CCNT2: variants seen among roughly 807,000 people sequenced by gnomAD.
CCNT2 encodes the protein cyclin-T2.
CCNT2 carries 18 observed loss-of-function variants against 70.0 expected under a neutral mutation model. The observed-to-expected ratio is 0.26, with a 90% CI of 0.18 to 0.38. CCNT2 has a LOEUF of 0.38. Ranked by LOEUF, CCNT2 falls within the 10% of genes least tolerant of loss-of-function variation. The pLI, the probability that CCNT2 is intolerant of heterozygous loss-of-function variation, is 1.00. For missense variants in CCNT2, 734 were observed against 890.2 expected, an observed-to-expected ratio of 0.82 and a Z score of 2.23; for synonymous variants, 334 against 313.3, an observed-to-expected ratio of 1.07 and a Z score of -0.70.
At chr2:134,946,227 T>C in intron 6 of CCNT2, 81 bp downstream of exon 6, 1 of 1,487,616 alleles carries the variant, frequency 6.7e-7, no homozygotes, top group Non-Finnish European at 9.3e-7. Context: ...AATGTGTCTC[T>C]TACCCTTGTT....
At chr2:134,944,126 G>A (rs1262459950) in intron 5 of CCNT2, 3 of 983,572 alleles carry the variant, frequency 3.1e-6, no homozygotes, top group African/African-American at 3.5e-5. Flanking sequence ...ATTTAACTGT[G>A]GTTCCTGTTC....
Position 134,954,869 on chromosome 2 carries a change from G to A in CCNT2, c.*221G>A, listed in dbSNP as rs1179264402. 3 of 457,706 alleles carry A rather than the reference G, an allele frequency of 6.6e-6. No individual in the cohort carries two copies. The highest frequency in any genetic ancestry group is 5.7e-4 in the Middle Eastern group (1 of 1,768). The allele number at this position is 457,706 out of a possible 1,614,324, so 28.4% of individuals were successfully genotyped here. On this transcript the variant is annotated 3_prime_UTR_variant, in exon 9 of 9. Transcript: ENST00000264157. ...TATAAATACTGTAAAAGCATGGAAG[G>A]TGCAAAACTCAGTATTTCTACAATT... is the stretch of plus-strand genomic sequence containing the variant.
At chr2:134,927,797 T>G (rs1162468258) in intron 2 of CCNT2, among the ~76,000 whole-genome samples, 2 of 152,166 alleles carry the variant, frequency 1.3e-5, no homozygotes, top group Non-Finnish European at 2.9e-5. Context: ...TTCTAGGGAT[T>G]AGGGGAAATG....
chr2:134,939,123 G>C, intron 4 of CCNT2, 61 bp downstream of exon 4: 1 of 1,102,084 alleles, frequency 9.1e-7, no homozygotes, highest in African/African-American at 1.6e-5. Flanking sequence ...TTCTAAATAA[G>C]TGAAAAGATT....
chr2:134,950,182 A>T (rs1214548581), intron 7 of CCNT2, among the ~76,000 whole-genome samples: 1 of 152,206 alleles, frequency 6.6e-6, no homozygotes, highest in African/African-American at 2.4e-5. Flanking sequence ...TCCTGTCTTT[A>T]GGTCAGAGGT....
Position 134,953,936 on chromosome 2 carries a change from A to G in CCNT2, c.1481A>G (p.Tyr494Cys), listed in dbSNP as rs201365431. Reference protein sequence around the residue: ...MKIPIANTEKYMADKKEKSGS... With the variant: ...MKIPIANTEKCMADKKEKSGS... ...ATACCTATCGCAAATACTGAAAAATACATGGCAGACAAAAAGGAAAAGAGT... is the reference window on the plus strand; with the variant it reads ...ATACCTATCGCAAATACTGAAAAATGCATGGCAGACAAAAAGGAAAAGAGT... The change falls in exon 9 of 9, where the codon TAC becomes TGC. Residue 494 changes from tyrosine to cysteine, a missense_variant. Physicochemically the swap from Tyr to Cys is radical, Grantham distance 194. Around this residue, in one of 3 missense-constraint regions of CCNT2, gnomAD observed 532 missense variants for 556.9 expected, o/e 0.96. Coordinates refer to ENST00000264157, the MANE Select transcript of CCNT2 (RefSeq NM_058241.3). 1.3e-4 allele frequency: 216 copies of G among 1,614,010 alleles called. No individual in the cohort carries two copies. The highest frequency in any genetic ancestry group is 1.6e-4 in the Non-Finnish European group (192 of 1,179,978).
At chr2:134,945,339 CTA>C (rs1260420773) in intron 5 of CCNT2, 2 of 985,252 alleles carry the variant, frequency 2.0e-6, no homozygotes, top group Non-Finnish European at 2.4e-6. Flanking sequence ...AAAAGGGAAA[CTA>C]TAACAAGAGC....
chr2:134,929,997 A>T (rs1307835981), intron 2 of CCNT2, among the ~76,000 whole-genome samples: 1 of 151,966 alleles, frequency 6.6e-6, no homozygotes, highest in African/African-American at 2.4e-5. Flanking sequence ...AAAGAGAGAG[A>T]GAGAGATACA....
intron 5 of CCNT2, chr2:134,945,470 A>G (rs1040502024): frequency 5.1e-6 from 5 of 985,450 alleles, no homozygotes; most frequent in Non-Finnish European, 4.8e-6. Context: ...GATCCTCCCT[A>G]GAATACCTGT....
rs112471982 is a variant in CCNT2 at position 134,931,262 on chromosome 2, CTTTT to C, written c.241-5557_241-5554del. On this transcript the variant is annotated intron_variant, in intron 2 of 8. Coordinates refer to ENST00000264157, the MANE Select transcript of CCNT2 (RefSeq NM_058241.3). ...CAGGCATAAGCCACCATGCCCGGAT[CTTTT>C]TTTTTTTTTTTTTTTTTTTTTGGTA... 7.8e-4 allele frequency among the ~76,000 whole-genome samples: 33 copies of C among 42,426 alleles called. No homozygotes were observed. In the South Asian group the frequency reaches 0.01, roughly 13 times the overall value. The allele number at this position is 42,426 out of a possible 152,430, so 27.8% of individuals were successfully genotyped here.
At chr2:134,923,180 C>T (rs923020575) in intron 2 of CCNT2, among the ~76,000 whole-genome samples, 7 of 152,076 alleles carry the variant, frequency 4.6e-5, no homozygotes, top group Non-Finnish European at 1.0e-4. Context: ...ACTGGGGAGG[C>T]TGAGGCAGGA....
In CCNT2 at chr2:134,958,861, T is replaced by C. The variant is rs1362664254; in HGVS notation, c.*4213T>C. The C allele has an allele frequency of 2.0e-5, 3 of 152,216 alleles. No individual in the cohort carries two copies. The highest frequency in any genetic ancestry group is 2.0e-4 in the Admixed American group (3 of 15,286). 9.4% of individuals were successfully genotyped at this position (152,216 alleles called of 1,614,324 possible). A position where few individuals can be genotyped will look rare whatever the true frequency, so the allele number is the denominator to read the frequency against. On this transcript the variant is annotated 3_prime_UTR_variant, in exon 9 of 9. Coordinates refer to ENST00000264157, the MANE Select transcript of CCNT2 (RefSeq NM_058241.3). The stretch of plus-strand genomic sequence containing the variant: ...TTACCTATTCTGCCTGACAGATTGA[T>C]TAAGTAGGTTGATAAGATCCATCGA...
chr2:134,944,898 TC>T, intron 5 of CCNT2: 9 of 985,314 alleles, frequency 9.1e-6, no homozygotes, highest in Non-Finnish European at 9.6e-6. Context: ...TATTATTTTT[TC>T]CTTCTCTACG....
chr2:134,940,304 A>G (rs1681476962), intron 4 of CCNT2, among the ~76,000 whole-genome samples: 1 of 152,226 alleles, frequency 6.6e-6, no homozygotes, highest in South Asian at 2.1e-4. Flanking sequence ...AAAATTGGGA[A>G]TTTGCAACAA....
intron 2 of CCNT2, chr2:134,920,392 G>A (rs1416966854): frequency 6.6e-6 from 1 of 152,302 alleles, no homozygotes; most frequent in Non-Finnish European, 1.5e-5. Context: ...CAACGTTTCT[G>A]TTTATCACGT....
At chr2:134,940,928 G>T (rs544907095) in intron 4 of CCNT2, among the ~76,000 whole-genome samples, 1 of 152,200 alleles carries the variant, frequency 6.6e-6, no homozygotes, top group African/African-American at 2.4e-5. Context: ...AATGAATCCA[G>T]TGTAAGGTTC....
At position 134,954,265 on chromosome 2, in the gene CCNT2, G is replaced by A; in HGVS notation, c.1810G>A (p.Gly604Ser). 1 of 1,614,150 alleles carries A rather than the reference G, an allele frequency of 6.2e-7. No homozygotes were observed. Among genetic ancestry groups the A allele is most frequent in the South Asian group, 1.1e-5 (1 of 91,076 alleles). ...ACCCACTGTTCTGAGGAGTCCTGTT[G>A]GCCTGAGCAGTGATGGCATTTCCTC... is the stretch of plus-strand genomic sequence containing the variant. Reference protein sequence around the residue: ...IPPTVLRSPVGLSSDGISSSS... With the variant: ...IPPTVLRSPVSLSSDGISSSS... The change falls in exon 9 of 9, where the codon GGC becomes AGC. Residue 604 changes from glycine (G) to serine (S), a missense_variant. Around this residue, in one of 3 missense-constraint regions of CCNT2, gnomAD observed 532 missense variants for 556.9 expected, o/e 0.96. Coordinates refer to ENST00000264157, the MANE Select transcript of CCNT2 (RefSeq NM_058241.3).
chr2:134,946,080 G>A (rs1573846014), intron 5 of CCNT2, 21 bp from the exon 6 acceptor site: 13 of 1,356,126 alleles, frequency 9.6e-6, no homozygotes, highest in South Asian at 1.2e-5. Context: ...TATTGTCTTC[G>A]TTTTTTTTTT....
intron 4 of CCNT2, 118 bp downstream of exon 4, chr2:134,939,180 T>C (rs1250242065): frequency 1.3e-6 from 1 of 743,502 alleles, no homozygotes; most frequent in East Asian, 2.7e-5. Context: ...AAACAGGTTT[T>C]AGACAGAATA....
Sources: gnomAD v4.1 joint callset for allele counts (sites outside exome capture counted in the v4.1 genomes callset) on GRCh38, gnomAD v4.1.1 for gene constraint, gnomAD v4.1.1 regional missense constraint, MANE v1.5 for transcripts, NCBI Gene and HGNC (gene_info 2026-07-23, HGNC 2026-07-21) for gene names.